Variants in FRMD4A observed in about 807,000 individuals in gnomAD.
The protein encoded by FRMD4A is FERM domain-containing protein 4A.
FRMD4A carries 29 observed loss-of-function variants against 129.1 expected under a neutral mutation model. That is an observed-to-expected ratio of 0.22 (90% CI 0.17 to 0.31). The LOEUF (loss-of-function observed/expected upper bound fraction) is 0.31, where lower values mean the gene tolerates loss of function less well. Among genes scored for constraint, FRMD4A ranks in the 10% least tolerant of loss-of-function variants. The pLI is 1.00. For synonymous variants in FRMD4A, 634 were observed against 571.6 expected, an observed-to-expected ratio of 1.11 and a Z score of -1.56; for missense variants, 1,272 against 1,375.8, an observed-to-expected ratio of 0.92 and a Z score of 1.19.
chr10:14,025,281 T>C (rs1484709678), intron 2 of FRMD4A, among the ~76,000 whole-genome samples: 1 of 151,224 alleles, frequency 6.6e-6, no homozygotes, highest in East Asian at 1.9e-4. Flanking sequence ...GTTTCTCCTT[T>C]TCTGCTTCCA....
At chr10:13,701,622 T>TACAC (rs372636511) in intron 13 of FRMD4A, 144 bp from the exon 14 acceptor site, 2 of 665,554 alleles carry the variant, frequency 3.0e-6, no homozygotes, top group Non-Finnish European at 5.2e-6. Flanking sequence ...CACCTAGGCG[T>TACAC]ACACACACAC....
chr10:13,811,884 G>GGT (rs1554912480), intron 3 of FRMD4A, among the ~76,000 whole-genome samples: 74 of 134,794 alleles, frequency 5.5e-4, no homozygotes, highest in African/African-American at 1.9e-3. Context: ...TTATCTGTTG[G>GGT]TTTTTTTTTT....
intron 2 of FRMD4A, among the ~76,000 whole-genome samples, chr10:14,115,629 T>A (rs1160313263): frequency 2.6e-5 from 4 of 152,174 alleles, no homozygotes; most frequent in African/African-American, 9.7e-5. Flanking sequence ...GGTGCTGTCC[T>A]TGGGGTAATG....
intron 2 of FRMD4A, among the ~76,000 whole-genome samples, chr10:14,055,239 A>G (rs1374210899): frequency 6.6e-6 from 1 of 152,184 alleles, no homozygotes; most frequent in Non-Finnish European, 1.5e-5. Context: ...CTTCTTCCAA[A>G]GGAGATTCAA....
At chr10:13,674,795 T>C in intron 16 of FRMD4A, 116 bp downstream of exon 16, 1 of 1,202,052 alleles carries the variant, frequency 8.3e-7, no homozygotes, top group Non-Finnish European at 1.2e-6. Context: ...TTGCCTTCTG[T>C]CAAAACGATC....
chr10:13,709,749 G>A (rs544516279), intron 12 of FRMD4A, among the ~76,000 whole-genome samples: 3 of 152,300 alleles, frequency 2.0e-5, no homozygotes, highest in South Asian at 2.1e-4. Flanking sequence ...CTGGGTGTGC[G>A]ACCTGAGGGC....
chr10:13,747,912 C>T, intron 8 of FRMD4A, 93 bp from the exon 9 acceptor site: 2 of 745,826 alleles, frequency 2.7e-6, no homozygotes, highest in Non-Finnish European at 4.9e-6. Flanking sequence ...TCTGAGAGAC[C>T]CCACATCTGC....
At chr10:14,012,866 G>C (rs934715662) in intron 2 of FRMD4A, among the ~76,000 whole-genome samples, 2 of 152,188 alleles carry the variant, frequency 1.3e-5, no homozygotes, top group Non-Finnish European at 2.9e-5. Flanking sequence ...TCTGACCTCA[G>C]AACTGCCACT....
chr10:13,666,986 A>T (rs189549834), intron 17 of FRMD4A, among the ~76,000 whole-genome samples: 22 of 139,964 alleles, frequency 1.6e-4, no homozygotes, highest in African/African-American at 5.6e-4. Flanking sequence ...ATCTCTGCTC[A>T]CTGTAACCAC....
intron 2 of FRMD4A, chr10:13,971,902 G>C: frequency 1.6e-6 from 2 of 1,261,140 alleles, no homozygotes; most frequent in Admixed American, 5.1e-5. Flanking sequence ...GATTTAATCA[G>C]GCAAGGAAAA....
intron 2 of FRMD4A, among the ~76,000 whole-genome samples, chr10:14,236,654 G>C (rs1843826779): frequency 6.6e-6 from 1 of 152,234 alleles, no homozygotes; most frequent in Non-Finnish European, 1.5e-5. Flanking sequence ...CTGAGGGCAA[G>C]AGAGGGAACA....
At chr10:13,918,061 A>C (rs1439154199) in intron 2 of FRMD4A, among the ~76,000 whole-genome samples, 1 of 151,864 alleles carries the variant, frequency 6.6e-6, no homozygotes, top group East Asian at 1.9e-4. Flanking sequence ...AAAAGGAGAC[A>C]CTCCACCTAA....
At chr10:13,972,603 G>A (rs2095524906) in intron 2 of FRMD4A, among the ~76,000 whole-genome samples, 1 of 151,940 alleles carries the variant, frequency 6.6e-6, no homozygotes, top group Admixed American at 6.6e-5. Context: ...AATGCATGTT[G>A]GGTAAGCTAC....
At position 13,949,019 on chromosome 10, in the gene FRMD4A, C is replaced by A. The variant is rs1189175360; in HGVS notation, c.46-90107G>T. On this transcript the variant is annotated intron_variant, in intron 2 of 24. Coordinates refer to ENST00000357447, the MANE Select transcript of FRMD4A (RefSeq NM_018027.5). Reference sequence around the variant, plus strand: ...ATTCAAATATTATGGCATTTGCAATCATGTTCAAGCTACCTAAAGTATGGG... The same window carrying A: ...ATTCAAATATTATGGCATTTGCAATAATGTTCAAGCTACCTAAAGTATGGG... 4.6e-5 allele frequency among the ~76,000 whole-genome samples: 7 copies of A among 151,990 alleles called. 1 individual carries two copies. The East Asian group carries it at 1.4e-3, about 29-fold the overall frequency.
chr10:14,164,154 G>A (rs1412258300), intron 2 of FRMD4A, among the ~76,000 whole-genome samples: 3 of 152,240 alleles, frequency 2.0e-5, no homozygotes, highest in African/African-American at 7.2e-5. Context: ...CAGCGACATA[G>A]CTGGTATATG....
At chr10:13,689,230 A>T in intron 15 of FRMD4A, among the ~76,000 whole-genome samples, 1 of 100,760 alleles carries the variant, frequency 9.9e-6, no homozygotes, top group African/African-American at 3.4e-5. Flanking sequence ...GAGGGCTATA[A>T]CTTTGTAAAA....
chr10:13,915,026 A>G (rs2094984757), intron 2 of FRMD4A, among the ~76,000 whole-genome samples: 1 of 152,118 alleles, frequency 6.6e-6, no homozygotes, highest in African/African-American at 2.4e-5. Flanking sequence ...AAACAACAAT[A>G]ACAACAGCAA....
intron 15 of FRMD4A, chr10:13,693,571 TG>T: frequency 8.8e-7 from 1 of 1,135,682 alleles, no homozygotes; most frequent in Non-Finnish European, 1.1e-6. Flanking sequence ...TTTTCACCCT[TG>T]GACCTGACAT....
At chr10:13,875,858 G>T (rs1032321829) in intron 2 of FRMD4A, among the ~76,000 whole-genome samples, 2 of 152,130 alleles carry the variant, frequency 1.3e-5, no homozygotes, top group Admixed American at 6.5e-5. Context: ...TATATAGAGA[G>T]AACAGGTATA....
Sources: allele counts gnomAD v4.1 joint callset (sites outside exome capture counted in the v4.1 genomes callset), GRCh38; gene constraint gnomAD v4.1.1; transcripts MANE v1.5; gene names NCBI Gene and HGNC (gene_info 2026-07-23, HGNC 2026-07-21).